SEMA3C: variants seen among roughly 807,000 people sequenced by gnomAD.
The protein encoded by SEMA3C is semaphorin-3C.
In SEMA3C, 47 loss-of-function variants were observed where a neutral mutation model predicts 89.4. That is an observed-to-expected ratio of 0.53 (90% confidence interval 0.42 to 0.67). SEMA3C has a LOEUF of 0.67. Among genes scored for constraint, SEMA3C ranks in the 30% least tolerant of loss-of-function variants. The pLI is 0.00. For missense variants in SEMA3C, 839 were observed against 929.1 expected (o/e 0.90, Z 1.26); for synonymous variants, 310 against 320.2 (o/e 0.97, Z 0.34).
chr7:80,864,654 T>C (rs923945060), intron 2 of SEMA3C, among the ~76,000 whole-genome samples: 3 of 152,076 alleles, frequency 2.0e-5, no homozygotes, highest in African/African-American at 7.2e-5. Flanking sequence ...TTCCAAAATA[T>C]GACAATTAGA....
At chr7:80,868,158 G>A (rs1327489849) in intron 2 of SEMA3C, among the ~76,000 whole-genome samples, 1 of 152,174 alleles carries the variant, frequency 6.6e-6, no homozygotes, top group Admixed American at 6.5e-5. Flanking sequence ...AGAGTATGGT[G>A]CATGTCTCTC....
At chr7:80,818,646 T>TA (rs1789670379) in intron 4 of SEMA3C, among the ~76,000 whole-genome samples, 1 of 146,732 alleles carries the variant, frequency 6.8e-6, no homozygotes, top group Admixed American at 6.9e-5. Flanking sequence ...GCTGATGAGC[T>TA]AAAAAAATAA....
At chr7:80,850,188 T>C (rs1790479220) in intron 2 of SEMA3C, among the ~76,000 whole-genome samples, 1 of 152,164 alleles carries the variant, frequency 6.6e-6, no homozygotes, top group East Asian at 1.9e-4. Context: ...AGAATTATCA[T>C]ATACTTTTGG....
At chr7:80,891,369 C>T (rs1033376355) in intron 2 of SEMA3C, among the ~76,000 whole-genome samples, 2 of 152,178 alleles carry the variant, frequency 1.3e-5, no homozygotes, top group African/African-American at 4.8e-5. Flanking sequence ...TCCCTCCCTC[C>T]CCCATAATAC....
At chr7:80,754,964 T>TTTTGTTTTTTG (rs765917535) in intron 15 of SEMA3C, among the ~76,000 whole-genome samples, 1 of 129,148 alleles carries the variant, frequency 7.7e-6, no homozygotes, top group Non-Finnish European at 1.7e-5. Context: ...TTTGTTTTTT[T>TTTTGTTTTTTG]TTTTTTTGTA....
At chr7:80,905,898 G>A (rs1792002940) in intron 2 of SEMA3C, 2 of 1,289,288 alleles carry the variant, frequency 1.6e-6, no homozygotes, top group South Asian at 2.5e-5. Flanking sequence ...GTAGCACACA[G>A]CATTGTACAA....
intron 12 of SEMA3C, among the ~76,000 whole-genome samples, chr7:80,781,176 T>C (rs1393472689): frequency 1.3e-5 from 2 of 152,182 alleles, no homozygotes; most frequent in East Asian, 1.9e-4. Context: ...GTGATTAGAC[T>C]GGGCACACCC....
chr7:80,776,110 A>G (rs1671697022), intron 12 of SEMA3C, among the ~76,000 whole-genome samples: 2 of 152,100 alleles, frequency 1.3e-5, no homozygotes, highest in African/African-American at 4.8e-5. Context: ...AAGGAATACA[A>G]CTAATTTGCA....
chr7:80,863,425 C>T (rs1423801924), intron 2 of SEMA3C, among the ~76,000 whole-genome samples: 3 of 151,046 alleles, frequency 2.0e-5, no homozygotes, highest in African/African-American at 7.3e-5. Context: ...CAAACTAGTA[C>T]AGCCGCTATG....
intron 2 of SEMA3C, among the ~76,000 whole-genome samples, chr7:80,900,307 G>T (rs542781462): frequency 6.6e-6 from 1 of 152,098 alleles, no homozygotes; most frequent in Middle Eastern, 3.4e-3. Flanking sequence ...GAGAGACGGG[G>T]TTTCAACATG....
chr7:80,829,720 A>G (rs1789965905), intron 2 of SEMA3C, among the ~76,000 whole-genome samples: 1 of 152,124 alleles, frequency 6.6e-6, no homozygotes, highest in African/African-American at 2.4e-5. Context: ...AACTGCCTGT[A>G]TGGCTGGCCT....
At chr7:80,789,646 C>T in intron 11 of SEMA3C, 118 bp from the exon 12 acceptor site, 1 of 672,372 alleles carries the variant, frequency 1.5e-6, no homozygotes, top group Non-Finnish European at 2.5e-6. Context: ...AGTATATCTG[C>T]TACCTATGGA....
chr7:80,774,720 G>A (rs1177789851), intron 12 of SEMA3C, among the ~76,000 whole-genome samples: 1 of 152,076 alleles, frequency 6.6e-6, no homozygotes, highest in Non-Finnish European at 1.5e-5. Flanking sequence ...GACCCTCTTG[G>A]CCTGTGTGTT....
chr7:80,882,944 TAACAACAAC>T (rs60567057), intron 2 of SEMA3C, among the ~76,000 whole-genome samples: 3 of 151,104 alleles, frequency 2.0e-5, no homozygotes, highest in Admixed American at 1.3e-4. Context: ...CCCTCTTATA[TAACAACAAC>T]AACAACAACA....
chr7:80,769,813 AGT>A (rs1788385002), intron 12 of SEMA3C, among the ~76,000 whole-genome samples: 1 of 130,626 alleles, frequency 7.7e-6, no homozygotes, highest in East Asian at 2.8e-4. Context: ...AAGCTGAGAT[AGT>A]GTCACTGCAC....
intron 12 of SEMA3C, among the ~76,000 whole-genome samples, chr7:80,787,264 C>T (rs896546850): frequency 3.1e-4 from 47 of 151,756 alleles, no homozygotes; most frequent in African/African-American, 9.9e-4. Context: ...TGGTGGCATG[C>T]GCTTGTAATC....
intron 2 of SEMA3C, chr7:80,906,026 G>A (rs748588650): frequency 6.9e-5 from 32 of 466,758 alleles, no homozygotes; most frequent in Non-Finnish European, 1.1e-4. Context: ...AAGAAGGAGA[G>A]ACAGATGGAC....
chr7:80,757,438 T>A (rs1788090284), intron 15 of SEMA3C, among the ~76,000 whole-genome samples: 1 of 152,146 alleles, frequency 6.6e-6, no homozygotes, highest in Non-Finnish European at 1.5e-5. Context: ...GTACCCTGCC[T>A]CAGACTGACT....
intron 2 of SEMA3C, among the ~76,000 whole-genome samples, chr7:80,865,046 T>C (rs1790893180): frequency 6.6e-6 from 1 of 152,222 alleles, no homozygotes; most frequent in African/African-American, 2.4e-5. Flanking sequence ...TCTTAAATGT[T>C]TTTACTAACC....
Sources: allele counts gnomAD v4.1 joint callset (sites outside exome capture counted in the v4.1 genomes callset), GRCh38; gene constraint gnomAD v4.1.1; transcripts MANE v1.5; gene names NCBI Gene and HGNC (gene_info 2026-07-23, HGNC 2026-07-21).